Variants in PCBP3 observed in about 807,000 individuals in gnomAD.
The protein encoded by PCBP3 is poly(rC)-binding protein 3.
A neutral mutation model predicts 52.7 loss-of-function variants in PCBP3; 25 were observed. The ratio of observed to expected loss-of-function variants is 0.47; its 90% CI spans 0.35 to 0.66. The LOEUF (loss-of-function observed/expected upper bound fraction) is 0.66, where lower values mean the gene tolerates loss of function less well. Among genes scored for constraint, PCBP3 ranks in the 30% least tolerant of loss-of-function variants. The pLI, the probability that PCBP3 is intolerant of heterozygous loss-of-function variation, is 0.01. For synonymous variants in PCBP3, 162 were observed against 183.0 expected (o/e 0.89, Z 0.93); for missense variants, 391 against 490.3 (o/e 0.80, Z 1.91).
chr21:45,887,711 T>A (rs1193177114), intron 5 of PCBP3, among the ~76,000 whole-genome samples: 3 of 152,218 alleles, frequency 2.0e-5, no homozygotes, highest in African/African-American at 4.8e-5. Flanking sequence ...GAGAAGAGAT[T>A]TCTGCAAACG....
chr21:45,758,437 G>A (rs546534004), intron 4 of PCBP3, among the ~76,000 whole-genome samples: 1 of 152,170 alleles, frequency 6.6e-6, no homozygotes, highest in Non-Finnish European at 1.5e-5. Flanking sequence ...TTTCAGTCAG[G>A]AACATGAGAT....
At chr21:45,669,841 A>C (rs1255080015) in intron 2 of PCBP3, among the ~76,000 whole-genome samples, 2 of 121,842 alleles carry the variant, frequency 1.6e-5, no homozygotes, top group Non-Finnish European at 3.5e-5. Flanking sequence ...ATATATATAT[A>C]TATATCACAT....
At chr21:45,913,890 C>A (rs1460291734) in intron 11 of PCBP3, 61 bp from the exon 12 acceptor site, 4 of 1,506,076 alleles carry the variant, frequency 2.7e-6, no homozygotes, top group South Asian at 1.2e-5. Context: ...GCACGCCTCC[C>A]CATTGCCAGG....
chr21:45,792,279 G>T (rs2091648617), intron 4 of PCBP3, among the ~76,000 whole-genome samples: 1 of 152,274 alleles, frequency 6.6e-6, no homozygotes, highest in African/African-American at 2.4e-5. Context: ...AAGGGCAAGA[G>T]AACCGCTGGG....
intron 2 of PCBP3, among the ~76,000 whole-genome samples, chr21:45,693,088 CTAA>C (rs1177318253): frequency 6.6e-6 from 1 of 152,102 alleles, no homozygotes; most frequent in East Asian, 1.9e-4. Context: ...TCAACACCCA[CTAA>C]TAATAAAAAT....
chr21:45,902,652 C>A (rs1000107756), intron 9 of PCBP3, among the ~76,000 whole-genome samples: 1 of 152,248 alleles, frequency 6.6e-6, no homozygotes, highest in Non-Finnish European at 1.5e-5. Context: ...CGTTACCCAA[C>A]CCAAGGCAAG....
chr21:45,795,112 G>A (rs1446079880), intron 4 of PCBP3, among the ~76,000 whole-genome samples: 1 of 152,132 alleles, frequency 6.6e-6, no homozygotes, highest in African/African-American at 2.4e-5. Context: ...GAACTTTTAT[G>A]TACATAATTA....
At chr21:45,759,112 G>A (rs1184219345) in intron 4 of PCBP3, among the ~76,000 whole-genome samples, 1 of 152,134 alleles carries the variant, frequency 6.6e-6, no homozygotes, top group East Asian at 1.9e-4. Context: ...GGGGATTTGG[G>A]TTTGTAGTGT....
chr21:45,821,933 C>T lies in PCBP3; in HGVS notation c.-125-28028C>T, dbSNP rs2093152602. On this transcript the variant is annotated intron_variant, in intron 4 of 17. Coordinates refer to ENST00000681687, the MANE Select transcript of PCBP3 (RefSeq NM_001384156.1). This position sits in a 1 kb window ranked among gnomAD's most constrained non-coding sequence, Gnocchi z 4.4. ...ACTCGGCGTTTCCGACACCTGCTCT[C>T]ATCATTTTCCTACCTTCTCTTTCCT... 6.6e-6 allele frequency among the ~76,000 whole-genome samples: 1 copy of T among 152,224 alleles called. No individual in the cohort carries two copies. The highest frequency in any genetic ancestry group is 1.9e-4 in the East Asian group (1 of 5,186).
intron 1 of PCBP3, among the ~76,000 whole-genome samples, chr21:45,659,126 TTC>T (rs1224975558): frequency 6.6e-6 from 1 of 151,886 alleles, no homozygotes; most frequent in East Asian, 1.9e-4. Context: ...TTTTTCTATT[TTC>T]TGTTTCATTT....
chr21:45,779,513 G>C (rs990529457), intron 4 of PCBP3, among the ~76,000 whole-genome samples: 2 of 152,132 alleles, frequency 1.3e-5, no homozygotes, highest in African/African-American at 4.8e-5. Context: ...AATGTATTCA[G>C]AAAGTGACCG....
chr21:45,843,424 CT>C (rs1246433949), intron 4 of PCBP3, among the ~76,000 whole-genome samples: 1 of 152,162 alleles, frequency 6.6e-6, no homozygotes, highest in Non-Finnish European at 1.5e-5. Context: ...CTGAACTTTT[CT>C]TTATTATTAC....
intron 11 of PCBP3, among the ~76,000 whole-genome samples, chr21:45,912,985 A>G (rs2096430169): frequency 6.6e-6 from 1 of 152,182 alleles, no homozygotes; most frequent in South Asian, 2.1e-4. Context: ...GCCCTGAGTC[A>G]GCCAAGGCCC....
At position 45,829,016 on chromosome 21, in the gene PCBP3, C is replaced by T. The variant is rs2093379216; in HGVS notation, c.-125-20945C>T. The T allele has an allele frequency of 6.6e-6, 1 of 152,318 alleles. No individual in the cohort carries two copies. Among genetic ancestry groups the T allele is most frequent in the African/African-American group, 2.4e-5 (1 of 41,460 alleles). The allele number at this position is 152,318 out of a possible 1,614,324, so 9.4% of individuals were successfully genotyped here. A position where few individuals can be genotyped will look rare whatever the true frequency, so the allele number is the denominator to read the frequency against. The stretch of plus-strand genomic sequence containing the variant: ...GTCTTCCCACATTTCACAGGTCGAA[C>T]TTACCAGGTGAAGCTGGATTACTTC... On this transcript the variant is annotated intron_variant, in intron 4 of 17. Transcript: ENST00000681687. The surrounding 1 kb of genome is among the most constrained non-coding windows in gnomAD (Gnocchi z 5.2).
intron 5 of PCBP3, among the ~76,000 whole-genome samples, chr21:45,886,946 G>A (rs8128715): frequency 0.41 from 61,900 of 152,152 alleles, 14,810 homozygotes; most frequent in African/African-American, 0.67. Context: ...TGGGTGGGGA[G>A]GGGCACCGTG....
intron 1 of PCBP3, among the ~76,000 whole-genome samples, chr21:45,646,103 C>CTGTGTGTGTGTGTG (rs1269114772): frequency 1.3e-5 from 1 of 76,936 alleles, no homozygotes; most frequent in African/African-American, 4.0e-5. Context: ...CTCTCTCTCT[C>CTGTGTGTGTGTGTG]TCTCTGTGTG....
intron 4 of PCBP3, among the ~76,000 whole-genome samples, chr21:45,819,801 AT>A (rs2093075655): frequency 6.6e-6 from 1 of 152,206 alleles, no homozygotes; most frequent in African/African-American, 2.4e-5. Flanking sequence ...CGTCTAGCAG[AT>A]GGGTGTGCGG....
At position 45,819,510 on chromosome 21, in the gene PCBP3, C is replaced by T. The variant is rs930982985; in HGVS notation, c.-125-30451C>T. On this transcript the variant is annotated intron_variant, in intron 4 of 17. Coordinates refer to ENST00000681687, the MANE Select transcript of PCBP3 (RefSeq NM_001384156.1). The stretch of plus-strand genomic sequence containing the variant: ...GAGACCACACCTGGCACGACACTGC[C>T]GTTGGGCACCCCAAGGCCGAGGCCG... Among the ~76,000 whole-genome samples the T allele has an allele frequency of 3.3e-5, 5 of 152,214 alleles. No homozygotes were observed. In the East Asian group the frequency reaches 5.8e-4, roughly 18 times the overall value.
chr21:45,799,081 T>C (rs532079037), intron 4 of PCBP3, among the ~76,000 whole-genome samples: 3 of 152,312 alleles, frequency 2.0e-5, no homozygotes, highest in Admixed American at 6.5e-5. Flanking sequence ...GATGAATGCA[T>C]GGATCCATAG....
Sources: gnomAD v4.1 joint callset for allele counts (sites outside exome capture counted in the v4.1 genomes callset) on GRCh38, gnomAD v4.1.1 for gene constraint, Gnocchi (gnomAD v3.1) non-coding constraint, MANE v1.5 for transcripts, NCBI Gene and HGNC (gene_info 2026-07-23, HGNC 2026-07-21) for gene names.